The following A1BG variants were observed in gnomAD, a reference collection of about 807,000 sequenced individuals.
The protein encoded by A1BG is alpha-1-B glycoprotein.
A1BG carries 44 observed loss-of-function variants against 46.0 expected under a neutral mutation model. That is an observed-to-expected ratio of 0.96 (90% CI 0.75 to 1.23). A1BG has a LOEUF of 1.23. Ranked by LOEUF, A1BG falls within the 50% of genes most tolerant of loss-of-function variation. The pLI is 0.00. For synonymous variants in A1BG, 316 were observed against 314.7 expected (o/e 1.00, Z -0.04); for missense variants, 707 against 688.8 (o/e 1.03, Z -0.30).
intron 6 of A1BG, chr19:58,348,890 C>G (rs2051934089): frequency 6.6e-6 from 1 of 152,390 alleles, no homozygotes; most frequent in Admixed American, 6.6e-5. Context: ...GGACATCATA[C>G]TAAATGTTAT....
chr19:58,351,531 G>C lies in A1BG; in HGVS notation c.770C>G (p.Thr257Ser). 6.2e-7 allele frequency: 1 copy of C among 1,613,938 alleles called. No individual in the cohort carries two copies. The highest frequency in any genetic ancestry group is 8.5e-7 in the Non-Finnish European group (1 of 1,180,026). Reference protein sequence around the residue: ...EKELLVPRSSTSPDRIFFHLN... With the variant: ...EKELLVPRSSSSPDRIFFHLN... ...GTGAAAGAAGATGCGATCTGGGCTG[G>C]TGCTGCTCCTGGGTACCAGCAGCTC... Residue 257 changes from threonine to serine, a missense_variant, in exon 5 of 8, where the codon ACC becomes AGC. By Grantham distance (58) the Thr-to-Ser change is moderately conservative. Transcript: ENST00000263100.
rs2051970446 is a variant in A1BG, at chr19:58,352,506, G to C, written c.390C>G (p.Thr130=). ...WLSMAPVSWI[T]PGLKTTAVCR... ...ACACTGCTGTTGTTTTCAGGCCGGG[G>C]GTGATCCAGGACACTGGCGCCATCG... The change falls in exon 4 of 8, where the codon ACC becomes ACG. Residue 130 remains threonine, a synonymous_variant. Coordinates refer to ENST00000263100, the MANE Select transcript of A1BG (RefSeq NM_130786.4). 1.2e-6 allele frequency: 2 copies of C among 1,612,804 alleles called. No homozygotes were observed. The highest frequency in any genetic ancestry group is 1.7e-6 in the Non-Finnish European group (2 of 1,180,006).
rs1372134876 is a variant in A1BG, at chr19:58,347,531, C to T, written c.1302G>A (p.Leu434=). 3 of 1,578,802 alleles carry T rather than the reference C, an allele frequency of 1.9e-6. No individual in the cohort carries two copies. The highest frequency in any genetic ancestry group is 2.6e-6 in the Non-Finnish European group (3 of 1,162,962). ...EGPIPDVTFE[L]LREGETKAVK... ...CGGCCTTCGTCTCGCCCTCGCGCAG[C>T]AGCTCGAAGGTGACGTCGGGGATGG... The change falls in exon 7 of 8, where the codon CTG becomes CTA. Residue 434 remains leucine, a synonymous_variant. Transcript: ENST00000263100.
rs1167982112 is a variant in A1BG at position 58,346,255 on chromosome 19, G to A, written c.*767C>T. ...GGGAGTAAGAGGCAGCATCCTGGAA[G>A]AGCACAGATGAAAGAGGCCCTGAGA... On this transcript the variant is annotated 3_prime_UTR_variant, in exon 8 of 8. Coordinates refer to ENST00000263100, the MANE Select transcript of A1BG (RefSeq NM_130786.4). 1.3e-5 allele frequency: 2 copies of A among 153,088 alleles called. No homozygotes were observed. Among genetic ancestry groups the A allele is most frequent in the African/African-American group, 4.8e-5 (2 of 41,450 alleles). The allele number at this position is 153,088 out of a possible 1,614,324, so 9.5% of individuals were successfully genotyped here.
In A1BG at chr19:58,347,655, C is replaced by G; in HGVS notation, c.1193-15G>C. On this transcript the variant is annotated splice_polypyrimidine_tract_variant and intron_variant, in intron 6 of 7. Transcript: ENST00000263100. ...GGGAGGGGGTCCTGGGCGGAGCGGG[C>G]GGGTGGTCGGGCCAGGCCACGCCCC... The G allele has an allele frequency of 2.2e-6, 3 of 1,393,970 alleles. No individual in the cohort carries two copies. Among genetic ancestry groups the G allele is most frequent in the Non-Finnish European group, 1.8e-6 (2 of 1,081,686 alleles). 86.4% of individuals were successfully genotyped at this position (1,393,970 alleles called of 1,614,324 possible).
Position 58,350,627 on chromosome 19 carries a change from G to C in A1BG, c.935C>G (p.Ser312Cys). Reference protein sequence around the residue: ...SDETLPAPEFSPEPESGRALR... With the variant: ...SDETLPAPEFCPEPESGRALR... Reference sequence around the variant, plus strand: ...GGCCCTGCCGGACTCCGGCTCCGGGGAGAACTCCGGCGCGGGCAGCGTCTC... The same window carrying C: ...GGCCCTGCCGGACTCCGGCTCCGGGCAGAACTCCGGCGCGGGCAGCGTCTC... The change falls in exon 6 of 8, where the codon TCC becomes TGC. Residue 312 changes from serine (S) to cysteine (C), a missense_variant. Physicochemically the swap from Ser to Cys is moderately radical, Grantham distance 112 (BLOSUM62 -1). Transcript: ENST00000263100. The C allele has an allele frequency of 2.8e-6, 4 of 1,428,046 alleles. No homozygotes were observed. Among genetic ancestry groups the C allele is most frequent in the Non-Finnish European group, 3.7e-6 (4 of 1,094,954 alleles). The allele number at this position is 1,428,046 out of a possible 1,614,324, so 88.5% of individuals were successfully genotyped here.
In A1BG at chr19:58,345,304, C is replaced by T. The variant is rs185749150; in HGVS notation, c.*1718G>A. Reference sequence around the variant, plus strand: ...TTAACATCATCAGACATTAAGGAAACGCAAGGAAAACCACTATTAGATATG... The same window carrying T: ...TTAACATCATCAGACATTAAGGAAATGCAAGGAAAACCACTATTAGATATG... On this transcript the variant is annotated 3_prime_UTR_variant, in exon 8 of 8. Coordinates refer to ENST00000263100, the MANE Select transcript of A1BG (RefSeq NM_130786.4). 3 of 152,196 alleles carry T rather than the reference C, an allele frequency of 2.0e-5. No individual in the cohort carries two copies. The highest frequency in any genetic ancestry group is 7.2e-5 in the African/African-American group (3 of 41,504). The allele number at this position is 152,196 out of a possible 1,614,324, so 9.4% of individuals were successfully genotyped here.
rs762192444 is a variant in A1BG at position 58,351,674 on chromosome 19, C to G, written c.627G>C (p.Pro209=). ...ACTCTCCATGGTGCATCAGCACAGGCGGTGGTGGTGCAGCTGCAATGCAGG... is the reference window on the plus strand; with the variant it reads ...ACTCTCCATGGTGCATCAGCACAGGGGGTGGTGGTGCAGCTGCAATGCAGG... ...VTIEELAAPP[P]PVLMHHGESS... is the part of the protein sequence containing the mutation. Residue 209 remains proline, a synonymous_variant, in exon 5 of 8, where the codon CCG becomes CCC. Coordinates refer to ENST00000263100, the MANE Select transcript of A1BG (RefSeq NM_130786.4). 6.3e-7 allele frequency: 1 copy of G among 1,594,782 alleles called. No homozygotes were observed. The highest frequency in any genetic ancestry group is 1.3e-5 in the African/African-American group (1 of 74,474).
In A1BG at chr19:58,346,985, C is replaced by CA; in HGVS notation, c.*36_*37insT. The CA allele has an allele frequency of 1.2e-6, 2 of 1,613,916 alleles. No individual in the cohort carries two copies. Among genetic ancestry groups the CA allele is most frequent in the Non-Finnish European group, 1.7e-6 (2 of 1,179,824 alleles). On this transcript the variant is annotated 3_prime_UTR_variant, in exon 8 of 8. Coordinates refer to ENST00000263100, the MANE Select transcript of A1BG (RefSeq NM_130786.4). ...AGCCAGTCCAGAATCCCCGGCACTTCTGAGGACACCAACAGCACCCTGGGC... is the reference window on the plus strand; with the variant it reads ...AGCCAGTCCAGAATCCCCGGCACTTCATGAGGACACCAACAGCACCCTGGGC...
In A1BG at chr19:58,346,497, G is replaced by A. The variant is rs2051914530; in HGVS notation, c.*525C>T. The A allele has an allele frequency of 5.2e-6, 1 of 191,818 alleles. No homozygotes were observed. 11.9% of individuals were successfully genotyped at this position (191,818 alleles called of 1,614,324 possible). ...CCAGCTACTCAGGAGGCTGAGGTGG[G>A]AGGATCACTTAAGGCCAGGAGTTCA... On this transcript the variant is annotated 3_prime_UTR_variant, in exon 8 of 8. Transcript: ENST00000263100.
intron 6 of A1BG, chr19:58,348,367 A>G (rs1232293664): frequency 6.6e-6 from 1 of 152,122 alleles, no homozygotes; most frequent in Non-Finnish European, 1.5e-5. Flanking sequence ...CAAACAAACA[A>G]AACAAAACTG....
At position 58,353,470 on chromosome 19, in the gene A1BG, C is replaced by G; in HGVS notation, c.-33G>C. The G allele has an allele frequency of 6.3e-7, 1 of 1,591,404 alleles. No homozygotes were observed. ...GCGCTCACTCCGGTGCAGTGAGTGT[C>G]TGGGGTGAGCGTCTGCAGCAATGAG... On this transcript the variant is annotated 5_prime_UTR_variant, in exon 1 of 8. Coordinates refer to ENST00000263100, the MANE Select transcript of A1BG (RefSeq NM_130786.4).
intron 4 of A1BG, chr19:58,351,998 G>T: frequency 9.3e-7 from 1 of 1,071,382 alleles, no homozygotes; most frequent in Non-Finnish European, 1.3e-6. Flanking sequence ...GTTTCGTCAT[G>T]TTGGGTAGAC....
chr19:58,350,880 C>T, intron 5 of A1BG: 1 of 451,724 alleles, frequency 2.2e-6, no homozygotes, highest in South Asian at 5.8e-5. Flanking sequence ...CAGACACAGA[C>T]GGGAAGCGGG....
intron 7 of A1BG, 21 bp downstream of exon 7, chr19:58,347,332 C>A (rs370008583): frequency 1.2e-6 from 2 of 1,609,100 alleles, no homozygotes; most frequent in African/African-American, 2.7e-5. Flanking sequence ...AACCAGCACC[C>A]GGGACCCAGG....
At chr19:58,352,759 G>A in intron 3 of A1BG, 169 bp downstream of exon 3, 1 of 1,200,736 alleles carries the variant, frequency 8.3e-7, no homozygotes, top group Non-Finnish European at 1.2e-6. Flanking sequence ...TGCCGGGCCT[G>A]CTGGGGACAC....
Position 58,350,415 on chromosome 19 carries a change from A to C in A1BG, c.1147T>G (p.Phe383Val). ...SCVYVDLKPP[F>V]GGSAPSERLE... Reference sequence around the variant, plus strand: ...CGCTCGCTGGGCGCGGAGCCCCCGAAAGGCGGCTTCAGGTCCACGTAGACG... The same window carrying C: ...CGCTCGCTGGGCGCGGAGCCCCCGACAGGCGGCTTCAGGTCCACGTAGACG... The change falls in exon 6 of 8, where the codon TTC (phenylalanine) becomes GTC (valine). Residue 383 changes from phenylalanine (F) to valine (V), a missense_variant. Physicochemically the swap from Phe to Val is conservative, Grantham distance 50 (BLOSUM62 -1). Transcript: ENST00000263100. 6.5e-7 allele frequency: 1 copy of C among 1,550,228 alleles called. No individual in the cohort carries two copies. The highest frequency in any genetic ancestry group is 8.7e-7 in the Non-Finnish European group (1 of 1,146,824).
chr19:58,350,737 G>A, intron 5 of A1BG, 86 bp from the exon 6 acceptor site: 1 of 1,288,392 alleles, frequency 7.8e-7, no homozygotes, highest in Non-Finnish European at 9.8e-7. Context: ...CTTTGCCTTG[G>A]CTGAGTCTTC....
Position 58,352,037 on chromosome 19 carries a change from G to A in A1BG, c.613+246C>T, listed in dbSNP as rs761251608. ...TCTCGATCTCTTGACCTCATGATCC[G>A]CTGGCCTCAGCCTCCCAAAGTGCTG... On this transcript the variant is annotated intron_variant, in intron 4 of 7. Coordinates refer to ENST00000263100, the MANE Select transcript of A1BG (RefSeq NM_130786.4). 34 of 1,312,370 alleles carry A rather than the reference G, an allele frequency of 2.6e-5. No individual in the cohort carries two copies. The African/African-American group carries it at 2.8e-4, about 11-fold the overall frequency. 81.3% of individuals were successfully genotyped at this position (1,312,370 alleles called of 1,614,324 possible). A position where few individuals can be genotyped will look rare whatever the true frequency, so the allele number is the denominator to read the frequency against.
Sources: allele counts gnomAD v4.1 joint callset, GRCh38; gene constraint gnomAD v4.1.1; transcripts MANE v1.5; gene names NCBI Gene and HGNC (gene_info 2026-07-23, HGNC 2026-07-21).